The following CECR2 variants were observed in gnomAD, a reference collection of about 807,000 sequenced individuals.
CECR2 encodes chromatin remodeling regulator CECR2.
CECR2 carries 30 observed loss-of-function variants against 154.5 expected under a neutral mutation model. The observed-to-expected ratio is 0.19, with a 90% CI of 0.15 to 0.26. The LOEUF (loss-of-function observed/expected upper bound fraction) is 0.26, where lower values mean the gene tolerates loss of function less well. Ranked by LOEUF, CECR2 falls within the 10% of genes least tolerant of loss-of-function variation. The pLI is 1.00. For synonymous variants in CECR2, 725 were observed against 683.7 expected, an observed-to-expected ratio of 1.06 and a Z score of -0.94; for missense variants, 1,743 against 1,829.3, an observed-to-expected ratio of 0.95 and a Z score of 0.86.
chr22:17,502,607 G>C (rs1388639050), intron 5 of CECR2, among the ~76,000 whole-genome samples: 2 of 152,156 alleles, frequency 1.3e-5, no homozygotes. Context: ...TTCAAGACCA[G>C]CCTGGCCAAC....
upstream of CECR2, among the ~76,000 whole-genome samples, chr22:17,366,179 G>A (rs2063000909): frequency 1.3e-5 from 2 of 152,112 alleles, no homozygotes; most frequent in South Asian, 2.1e-4. Flanking sequence ...AAGAAAATAT[G>A]AGCTGTGTTT....
At chr22:17,541,055 A>G (rs1161779461) in intron 14 of CECR2, among the ~76,000 whole-genome samples, 6 of 152,144 alleles carry the variant, frequency 3.9e-5, no homozygotes, top group Non-Finnish European at 1.5e-5. Context: ...AAGTGCTGGG[A>G]TTATAGGCAT....
Position 17,539,224 on chromosome 22 carries a change from A to G in CECR2, c.1495+105A>G, listed in dbSNP as rs62241413. On this transcript the variant is annotated intron_variant, in intron 13 of 18. Coordinates refer to ENST00000262608, the MANE Select transcript of CECR2 (RefSeq NM_001290047.2). ...TAGTGCCTTTTCTGTAGGACAGTGAACAGAATGTGTATGAAAAGTCATGGG... is the reference window on the plus strand; with the variant it reads ...TAGTGCCTTTTCTGTAGGACAGTGAGCAGAATGTGTATGAAAAGTCATGGG... 0.07 allele frequency: 90,103 copies of G among 1,283,030 alleles called. 6,649 individuals carry two copies. The highest frequency in any genetic ancestry group is 0.37 in the African/African-American group (25,273 of 68,576). The allele number at this position is 1,283,030 out of a possible 1,614,324, so 79.5% of individuals were successfully genotyped here. A position where few individuals can be genotyped will look rare whatever the true frequency, so the allele number is the denominator to read the frequency against.
chr22:17,550,618 AG>A (rs2056693370), intron 17 of CECR2, among the ~76,000 whole-genome samples: 1 of 152,176 alleles, frequency 6.6e-6, no homozygotes, highest in Admixed American at 6.5e-5. Context: ...TCTGCCATCC[AG>A]GAAGTTTTCA....
intron 1 of CECR2, among the ~76,000 whole-genome samples, chr22:17,463,168 CT>C (rs773705216): frequency 1.1e-4 from 17 of 152,172 alleles, no homozygotes; most frequent in Non-Finnish European, 2.1e-4. Flanking sequence ...GCCGGGAGTG[CT>C]GAGTGTATCT....
At chr22:17,483,101 A>G (rs1377184250) in intron 2 of CECR2, among the ~76,000 whole-genome samples, 1 of 152,252 alleles carries the variant, frequency 6.6e-6, no homozygotes, top group Admixed American at 6.5e-5. Flanking sequence ...TGCCTTGAAG[A>G]CGTTCCAGTG....
At chr22:17,513,576 C>T (rs914266545) in intron 8 of CECR2, among the ~76,000 whole-genome samples, 2 of 152,136 alleles carry the variant, frequency 1.3e-5, no homozygotes, top group African/African-American at 2.4e-5. Flanking sequence ...GTGTCTTGCC[C>T]GATGTTTAAT....
intron 1 of CECR2, among the ~76,000 whole-genome samples, chr22:17,466,597 C>T (rs904655097): frequency 5.4e-5 from 7 of 130,050 alleles, no homozygotes; most frequent in Non-Finnish European, 9.7e-5. Flanking sequence ...TAAAACCTTG[C>T]CTTTTTTTTT....
chr22:17,391,170 A>C (rs572663621), intron 1 of CECR2, among the ~76,000 whole-genome samples: 55 of 152,360 alleles, frequency 3.6e-4, no homozygotes, highest in African/African-American at 1.2e-3. Context: ...CATTTAGGAA[A>C]ATTAACAGTA....
Position 17,495,861 on chromosome 22 carries a change from C to CAA in CECR2, c.222-1519_222-1518dup, listed in dbSNP as rs10558473. Among the ~76,000 whole-genome samples the CAA allele has an allele frequency of 2.7e-3, 180 of 67,076 alleles. 2 individuals carry two copies. Among genetic ancestry groups the CAA allele is most frequent in the African/African-American group, 5.3e-3 (87 of 16,548 alleles). The allele number at this position is 67,076 out of a possible 152,430, so 44.0% of individuals were successfully genotyped here. On this transcript the variant is annotated intron_variant, in intron 2 of 18. Coordinates refer to ENST00000262608, the MANE Select transcript of CECR2 (RefSeq NM_001290047.2). ...TGGGTGACAGAGCAAGACTCTGTCT[C>CAA]AAAAAAAAAAAAAAAAAAAAAAAAG...
chr22:17,528,118 C>T (rs2056295649), intron 9 of CECR2, among the ~76,000 whole-genome samples: 1 of 152,234 alleles, frequency 6.6e-6, no homozygotes, highest in East Asian at 1.9e-4. Context: ...ATATTTTTTG[C>T]AGCTCTGTTC....
chr22:17,444,046 T>C (rs2054621961), intron 1 of CECR2, among the ~76,000 whole-genome samples: 3 of 152,332 alleles, frequency 2.0e-5, no homozygotes, highest in Middle Eastern at 3.4e-3. Flanking sequence ...GGTATTTGCA[T>C]GTGCAGGCAC....
chr22:17,538,499 T>A, intron 10 of CECR2, 21 bp from the exon 11 acceptor site: 1 of 1,611,502 alleles, frequency 6.2e-7, no homozygotes, highest in Non-Finnish European at 8.5e-7. Context: ...TACTATTAAT[T>A]TCTTATTTTG....
intron 8 of CECR2, among the ~76,000 whole-genome samples, chr22:17,521,807 T>C (rs61090985): frequency 0.018 from 2,703 of 152,350 alleles, 82 homozygotes; most frequent in African/African-American, 0.062. Flanking sequence ...TTTGGTGTTT[T>C]AGTCATGAAG....
At chr22:17,437,119 T>A (rs80057527) in intron 1 of CECR2, among the ~76,000 whole-genome samples, 5 of 152,198 alleles carry the variant, frequency 3.3e-5, no homozygotes, top group African/African-American at 1.2e-4. Flanking sequence ...TTGTCTGGTG[T>A]TTGTTTCTAG....
chr22:17,408,698 A>G (rs1368282622), intron 1 of CECR2, among the ~76,000 whole-genome samples: 6 of 152,210 alleles, frequency 3.9e-5, no homozygotes, highest in African/African-American at 1.4e-4. Context: ...TGCCACCAAC[A>G]TGTTAGTTCA....
At position 17,549,417 on chromosome 22, in the gene CECR2, C is replaced by T. The variant is rs1005291382; in HGVS notation, c.4130C>T (p.Ala1377Val). 1.2e-6 allele frequency: 2 copies of T among 1,613,514 alleles called. No homozygotes were observed. Among genetic ancestry groups the T allele is most frequent in the African/African-American group, 2.7e-5 (2 of 74,920 alleles). Residue 1377 changes from alanine to valine, a missense_variant, in exon 17 of 19, where the codon GCC (alanine) becomes GTC (valine). Around this residue, in one of 4 missense-constraint regions of CECR2, gnomAD observed 1,250 missense variants for 1,192.1 expected, o/e 1.05. Transcript: ENST00000262608. ...VAALPPHHPG[A>V]TQPNGLSQEG... ...GCCCTCCCACCTCACCACCCAGGGG[C>T]CACCCAGCCCAACGGCCTCTCTCAG...
intron 1 of CECR2, among the ~76,000 whole-genome samples, chr22:17,456,488 T>C (rs2054856306): frequency 6.6e-6 from 1 of 152,194 alleles, no homozygotes; most frequent in Admixed American, 6.6e-5. Flanking sequence ...ACAATTTACA[T>C]TTTTATCTGC....
intron 1 of CECR2, among the ~76,000 whole-genome samples, chr22:17,450,039 G>A (rs1014809689): frequency 6.6e-6 from 1 of 152,146 alleles, no homozygotes; most frequent in Non-Finnish European, 1.5e-5. Flanking sequence ...ATCCCCAAAC[G>A]CAGCAGTTTG....
Sources: allele counts gnomAD v4.1 joint callset (sites outside exome capture counted in the v4.1 genomes callset), GRCh38; gene constraint gnomAD v4.1.1; regional missense constraint gnomAD v4.1.1; transcripts MANE v1.5; gene names NCBI Gene and HGNC (gene_info 2026-07-23, HGNC 2026-07-21).